ENOX1: variants seen among roughly 807,000 people sequenced by gnomAD.
ENOX1 encodes candidate growth-related and time keeping constitutive hydroquinone (NADH) oxidase.
ENOX1 carries 42 observed loss-of-function variants against 82.5 expected under a neutral mutation model. The ratio of observed to expected loss-of-function variants is 0.51; its 90% CI spans 0.40 to 0.66. The LOEUF is 0.66. Among genes scored for constraint, ENOX1 ranks in the 30% least tolerant of loss-of-function variants. The pLI, the probability that ENOX1 is intolerant of heterozygous loss-of-function variation, is 0.00. For missense variants in ENOX1, 608 were observed against 811.6 expected, an observed-to-expected ratio of 0.75 and a Z score of 3.05; for synonymous variants, 271 against 282.2, an observed-to-expected ratio of 0.96 and a Z score of 0.40.
At chr13:43,776,138 A>G (rs1054660782) in intron 1 of ENOX1, among the ~76,000 whole-genome samples, 4 of 152,234 alleles carry the variant, frequency 2.6e-5, no homozygotes, top group African/African-American at 9.6e-5. Flanking sequence ...GAAAGCCAAC[A>G]TACATTTAGG....
chr13:43,293,895 AT>A (rs2153503875), intron 12 of ENOX1, among the ~76,000 whole-genome samples: 1 of 152,324 alleles, frequency 6.6e-6, no homozygotes, highest in South Asian at 2.1e-4. Flanking sequence ...AGTGGGTGAG[AT>A]TTTAACAATG....
At chr13:43,435,332 T>A (rs1470700609) in intron 3 of ENOX1, among the ~76,000 whole-genome samples, 1 of 152,174 alleles carries the variant, frequency 6.6e-6, no homozygotes, top group Non-Finnish European at 1.5e-5. Flanking sequence ...CCATCTGGAC[T>A]CATTCTCAGC....
rs1952635077 is a variant in ENOX1 at position 43,786,488 on chromosome 13, C to T, written c.-285+164G>A. 1.3e-5 allele frequency among the ~76,000 whole-genome samples: 2 copies of T among 151,934 alleles called. No homozygotes were observed. The highest frequency in any genetic ancestry group is 4.1e-4 in the South Asian group (2 of 4,824). On this transcript the variant is annotated intron_variant, in intron 1 of 16. Coordinates refer to ENST00000690772, the MANE Select transcript of ENOX1 (RefSeq NM_001347969.2). This position sits in a 1 kb window ranked among gnomAD's most constrained non-coding sequence, Gnocchi z 6.0. ...GGGCTGCACCGAAGCCCCCACGCGTCCACGCACCCCTCCTCACCAGCCTCA... is the reference window on the plus strand; with the variant it reads ...GGGCTGCACCGAAGCCCCCACGCGTTCACGCACCCCTCCTCACCAGCCTCA...
chr13:43,785,373 C>T (rs1271585552), intron 1 of ENOX1, among the ~76,000 whole-genome samples: 1 of 152,148 alleles, frequency 6.6e-6, no homozygotes, highest in Non-Finnish European at 1.5e-5. Context: ...CCACTTTCTC[C>T]ACCCTCTTCA....
Position 43,512,083 on chromosome 13 carries a change from A to C in ENOX1, c.-218-27931T>G, listed in dbSNP as rs552863906. Among the ~76,000 whole-genome samples the C allele has an allele frequency of 2.0e-5, 3 of 152,278 alleles. No homozygotes were observed. In the South Asian group the frequency reaches 6.2e-4, roughly 32 times the overall value. Reference sequence around the variant, plus strand: ...GTATGTAGATGCATATCTAATATACATACATATACATGTATTCATTATTTT... The same window carrying C: ...GTATGTAGATGCATATCTAATATACCTACATATACATGTATTCATTATTTT... On this transcript the variant is annotated intron_variant, in intron 2 of 16. Coordinates refer to ENST00000690772, the MANE Select transcript of ENOX1 (RefSeq NM_001347969.2).
intron 1 of ENOX1, among the ~76,000 whole-genome samples, chr13:43,690,288 A>T (rs9562506): frequency 0.38 from 58,044 of 150,766 alleles, 14,204 homozygotes; most frequent in Non-Finnish European, 0.56. Flanking sequence ...CAAGCAGATT[A>T]AAAAAAGCTG....
intron 2 of ENOX1, among the ~76,000 whole-genome samples, chr13:43,587,978 A>G (rs9567220): frequency 0.33 from 50,149 of 151,762 alleles, 8,974 homozygotes; most frequent in East Asian, 0.5. Context: ...AACAGGAAAG[A>G]CAGTTGAAGG....
intron 2 of ENOX1, among the ~76,000 whole-genome samples, chr13:43,606,479 T>C (rs1163048763): frequency 1.3e-5 from 2 of 152,124 alleles, no homozygotes; most frequent in African/African-American, 4.8e-5. Flanking sequence ...AGAAATGAGA[T>C]CCTGTCATCT....
intron 3 of ENOX1, among the ~76,000 whole-genome samples, chr13:43,415,260 AG>A (rs2054390235): frequency 4.4e-5 from 1 of 22,866 alleles, no homozygotes; most frequent in Non-Finnish European, 9.9e-5. Context: ...TTTTTTTTTT[AG>A]TATTTATTGA....
At chr13:43,533,492 A>G (rs2078320029) in intron 2 of ENOX1, among the ~76,000 whole-genome samples, 1 of 152,084 alleles carries the variant, frequency 6.6e-6, no homozygotes, top group Non-Finnish European at 1.5e-5. Flanking sequence ...TCCTGGGTAC[A>G]TGAGTTTTGT....
intron 15 of ENOX1, among the ~76,000 whole-genome samples, chr13:43,228,502 G>A (rs1442880988): frequency 2.6e-5 from 4 of 152,234 alleles, no homozygotes; most frequent in African/African-American, 7.2e-5. Flanking sequence ...ACTTTAGAAA[G>A]AGTAACTAGC....
chr13:43,334,936 C>T (rs1177732422), intron 9 of ENOX1, among the ~76,000 whole-genome samples: 4 of 152,080 alleles, frequency 2.6e-5, no homozygotes, highest in Non-Finnish European at 4.4e-5. Context: ...TGCATGTAGA[C>T]GGGAAGAGAG....
At chr13:43,634,333 A>C (rs1316714982) in intron 2 of ENOX1, among the ~76,000 whole-genome samples, 1 of 152,238 alleles carries the variant, frequency 6.6e-6, no homozygotes, top group Non-Finnish European at 1.5e-5. Flanking sequence ...ACATGCACCC[A>C]GTGCTAGACA....
intron 3 of ENOX1, among the ~76,000 whole-genome samples, chr13:43,461,010 T>C (rs1348545787): frequency 2.0e-5 from 3 of 152,098 alleles, no homozygotes; most frequent in Admixed American, 1.3e-4. Context: ...GATATATGAA[T>C]TTAATGACCT....
At chr13:43,338,347 CCAA>C (rs1340558059) in intron 9 of ENOX1, among the ~76,000 whole-genome samples, 30 of 152,240 alleles carry the variant, frequency 2.0e-4, no homozygotes, top group Admixed American at 9.8e-4. Flanking sequence ...GATAAAAACT[CCAA>C]CGTCTCCGAG....
chr13:43,415,033 CATCGTTTCT>C (rs1226741416), intron 3 of ENOX1, among the ~76,000 whole-genome samples: 1 of 152,100 alleles, frequency 6.6e-6, no homozygotes, highest in Non-Finnish European at 1.5e-5. Context: ...CCTGGAGACC[CATCGTTTCT>C]ACCTAATACT....
chr13:43,572,464 G>A (rs1283197907), intron 2 of ENOX1, among the ~76,000 whole-genome samples: 2 of 152,132 alleles, frequency 1.3e-5, no homozygotes, highest in African/African-American at 2.4e-5. Flanking sequence ...GGGTTTCCAG[G>A]CTCACAGCTC....
chr13:43,417,242 C>CAGGAGAGGGAGA (rs1555267014), intron 3 of ENOX1, among the ~76,000 whole-genome samples: 6 of 82,844 alleles, frequency 7.2e-5, no homozygotes, highest in South Asian at 5.5e-4. Flanking sequence ...AGACGGGAGA[C>CAGGAGAGGGAGA]GGGAGAGGGA....
At chr13:43,515,341 G>A (rs749917602) in intron 2 of ENOX1, among the ~76,000 whole-genome samples, 10 of 152,126 alleles carry the variant, frequency 6.6e-5, no homozygotes, top group Non-Finnish European at 1.2e-4. Context: ...TTTTAATGAG[G>A]TCCCTAGGTA....
Sources: gnomAD v4.1 joint callset for allele counts (sites outside exome capture counted in the v4.1 genomes callset) on GRCh38, gnomAD v4.1.1 for gene constraint, Gnocchi (gnomAD v3.1) non-coding constraint, MANE v1.5 for transcripts, NCBI Gene and HGNC (gene_info 2026-07-23, HGNC 2026-07-21) for gene names.